The following CNTN6 variants were observed in gnomAD, a reference collection of about 807,000 sequenced individuals.
The protein encoded by CNTN6 is contactin-6.
In CNTN6, 137 loss-of-function variants were observed where a neutral mutation model predicts 122.8. The observed-to-expected ratio is 1.12, with a 90% CI of 0.97 to 1.29. CNTN6 has a LOEUF of 1.29. Among genes scored for constraint, CNTN6 ranks in the 50% most tolerant of loss-of-function variants. CNTN6 has a pLI of 0.00. For synonymous variants in CNTN6, 570 were observed against 426.0 expected (o/e 1.34, Z -4.16); for missense variants, 1,634 against 1,223.4 (o/e 1.34, Z -5.01).
chr3:1,121,238 G>C (rs2125060936), intron 1 of CNTN6, among the ~76,000 whole-genome samples: 1 of 132,338 alleles, frequency 7.6e-6, no homozygotes, highest in Non-Finnish European at 1.7e-5. Context: ...TTGGAACACA[G>C]AGTTAAACAA....
chr3:1,154,448 C>CTTTTCTTTTCTTTT (rs1575043271), intron 2 of CNTN6, among the ~76,000 whole-genome samples: 7 of 140,514 alleles, frequency 5.0e-5, no homozygotes, highest in African/African-American at 1.9e-4. Flanking sequence ...TCTTTTCTTT[C>CTTTTCTTTTCTTTT]TTTTTTTTTT....
At chr3:1,361,088 A>T (rs909914702) in intron 12 of CNTN6, among the ~76,000 whole-genome samples, 1 of 152,012 alleles carries the variant, frequency 6.6e-6, no homozygotes, top group Non-Finnish European at 1.5e-5. Flanking sequence ...AACCAGGATG[A>T]TTTTGTCTCC....
At chr3:1,162,536 CCT>C (rs1230677632) in intron 2 of CNTN6, among the ~76,000 whole-genome samples, 1 of 152,174 alleles carries the variant, frequency 6.6e-6, no homozygotes, top group Non-Finnish European at 1.5e-5. Context: ...TCCACTTTGT[CCT>C]CTTTCTGTAA....
chr3:1,144,049 G>T (rs982084599), intron 1 of CNTN6, among the ~76,000 whole-genome samples: 2 of 152,188 alleles, frequency 1.3e-5, no homozygotes, highest in Admixed American at 1.3e-4. Context: ...TGTACCACCA[G>T]GTTGTTCAGC....
At chr3:1,387,437 G>C (rs1268366913) in intron 20 of CNTN6, among the ~76,000 whole-genome samples, 1 of 152,154 alleles carries the variant, frequency 6.6e-6, no homozygotes, top group Non-Finnish European at 1.5e-5. Context: ...GAGTGGTTTA[G>C]CTTCTTTCAG....
Position 1,262,865 on chromosome 3 carries a change from A to T in CNTN6, c.359-15548A>T, listed in dbSNP as rs890063386. 2.0e-5 allele frequency among the ~76,000 whole-genome samples: 3 copies of T among 152,166 alleles called. No homozygotes were observed. The East Asian group carries it at 5.8e-4, about 29-fold the overall frequency. On this transcript the variant is annotated intron_variant, in intron 4 of 22. Transcript: ENST00000446702. ...TACCCACATATATAGTATAAATTTTATGAAGATTAAATGTAAATATAAATA... is the reference window on the plus strand; with the variant it reads ...TACCCACATATATAGTATAAATTTTTTGAAGATTAAATGTAAATATAAATA...
intron 4 of CNTN6, among the ~76,000 whole-genome samples, chr3:1,236,178 G>A (rs1013872303): frequency 2.6e-5 from 4 of 151,628 alleles, no homozygotes; most frequent in South Asian, 2.1e-4. Context: ...AAGCTCTATC[G>A]CCCTGCCCAC....
Position 1,373,723 on chromosome 3 carries a change from C to T in CNTN6, c.1906C>T (p.Arg636Trp), listed in dbSNP as rs780147164. Residue 636 changes from arginine (R) to tryptophan (W), a missense_variant, in exon 15 of 23, where the codon CGG (arginine) becomes TGG (tryptophan). Arg to Trp is a moderately radical substitution (Grantham distance 101). Transcript: ENST00000446702. ...CATTCAAATATTTACTATTCAGACT[C>T]GGACACCATTTTCTGTGGGTTGGCA... ...SPIQIFTIQT[R>W]TPFSVGWQAV... 8.1e-6 allele frequency: 13 copies of T among 1,610,788 alleles called. No individual in the cohort carries two copies. The highest frequency in any genetic ancestry group is 5.3e-5 in the African/African-American group (4 of 74,826).
intron 5 of CNTN6, among the ~76,000 whole-genome samples, chr3:1,291,968 T>C (rs1472180222): frequency 6.6e-6 from 1 of 152,132 alleles, no homozygotes; most frequent in Non-Finnish European, 1.5e-5. Context: ...ATCAAAGGAA[T>C]GTTGAGGCTG....
At chr3:1,160,214 A>G (rs760128262) in intron 2 of CNTN6, among the ~76,000 whole-genome samples, 7 of 151,842 alleles carry the variant, frequency 4.6e-5, no homozygotes, top group Non-Finnish European at 1.0e-4. Context: ...CATAAATTCA[A>G]CCTACCCATG....
intron 7 of CNTN6, among the ~76,000 whole-genome samples, chr3:1,305,323 G>A (rs928715349): frequency 2.6e-5 from 4 of 152,158 alleles, no homozygotes; most frequent in Admixed American, 1.3e-4. Context: ...TTAAGACAAA[G>A]CTTCAAGTAA....
At chr3:1,242,346 T>G (rs60025390) in intron 4 of CNTN6, among the ~76,000 whole-genome samples, 16,160 of 151,402 alleles carry the variant, frequency 0.11, 1,317 homozygotes, top group African/African-American at 0.22. Flanking sequence ...CAAAAGAGTG[T>G]AGGGGTTGGG....
At chr3:1,117,379 G>A (rs73105115) in intron 1 of CNTN6, among the ~76,000 whole-genome samples, 5,570 of 152,156 alleles carry the variant, frequency 0.037, 347 homozygotes, top group African/African-American at 0.13. Flanking sequence ...ACTGCAGGTG[G>A]TTTGATATGG....
intron 4 of CNTN6, among the ~76,000 whole-genome samples, chr3:1,270,615 A>G (rs2095008264): frequency 6.6e-6 from 1 of 152,180 alleles, no homozygotes. Flanking sequence ...CATCTTGTTT[A>G]CTCCAGAACC....
At chr3:1,161,935 T>C (rs931812145) in intron 2 of CNTN6, among the ~76,000 whole-genome samples, 1 of 152,236 alleles carries the variant, frequency 6.6e-6, no homozygotes, top group Non-Finnish European at 1.5e-5. Context: ...TTATTTTTCA[T>C]ACAGAATTAG....
intron 1 of CNTN6, among the ~76,000 whole-genome samples, chr3:1,126,157 T>C (rs939825241): frequency 1.3e-5 from 2 of 151,934 alleles, no homozygotes; most frequent in African/African-American, 4.8e-5. Context: ...AGAAAGTTGC[T>C]GGTTTTATTA....
chr3:1,282,759 C>T (rs1413024521), intron 5 of CNTN6, among the ~76,000 whole-genome samples: 1 of 152,190 alleles, frequency 6.6e-6, no homozygotes, highest in East Asian at 1.9e-4. Flanking sequence ...CTTCCCACAT[C>T]TTTCCAACAA....
chr3:1,105,389 C>T (rs761228577), intron 1 of CNTN6, among the ~76,000 whole-genome samples: 1 of 152,038 alleles, frequency 6.6e-6, no homozygotes, highest in Admixed American at 6.5e-5. Flanking sequence ...TTCTTATGCT[C>T]AGGAAGTTCA....
At chr3:1,230,469 A>G (rs1016701599) in intron 4 of CNTN6, among the ~76,000 whole-genome samples, 1 of 152,194 alleles carries the variant, frequency 6.6e-6, no homozygotes, top group Non-Finnish European at 1.5e-5. Flanking sequence ...ACAGACATCT[A>G]TATATTTCAA....
Sources: allele counts gnomAD v4.1 joint callset (sites outside exome capture counted in the v4.1 genomes callset), GRCh38; gene constraint gnomAD v4.1.1; transcripts MANE v1.5; gene names NCBI Gene and HGNC (gene_info 2026-07-23, HGNC 2026-07-21).